The following JARID2 variants were observed in gnomAD, a reference collection of about 807,000 sequenced individuals.
The protein encoded by JARID2 is jumonji and AT-rich interaction domain containing 2, also known as protein Jumonji.
JARID2 carries 21 observed loss-of-function variants against 125.6 expected under a neutral mutation model. The ratio of observed to expected loss-of-function variants is 0.17; its 90% CI spans 0.12 to 0.24. The LOEUF is 0.24. Ranked by LOEUF, JARID2 falls within the 10% of genes least tolerant of loss-of-function variation. The pLI is 1.00. For synonymous variants in JARID2, 736 were observed against 661.6 expected (o/e 1.11, Z -1.73); for missense variants, 1,303 against 1,639.6 (o/e 0.79, Z 3.55).
chr6:15,310,843 A>T (rs1761985998), intron 1 of JARID2, among the ~76,000 whole-genome samples: 2 of 152,198 alleles, frequency 1.3e-5, no homozygotes, highest in African/African-American at 4.8e-5. Flanking sequence ...TTCGTGCCAG[A>T]AACCGAGCTG....
At chr6:15,455,733 T>C (rs1768139221) in intron 4 of JARID2, among the ~76,000 whole-genome samples, 3 of 152,110 alleles carry the variant, frequency 2.0e-5, no homozygotes, top group South Asian at 2.1e-4. Flanking sequence ...GGTTTCACCA[T>C]GTTAGGCTGA....
At chr6:15,403,841 C>T (rs1266085600) in intron 2 of JARID2, among the ~76,000 whole-genome samples, 3 of 151,940 alleles carry the variant, frequency 2.0e-5, no homozygotes, top group African/African-American at 7.3e-5. Context: ...AAAATATGTC[C>T]CCCGCGTCCA....
intron 2 of JARID2, among the ~76,000 whole-genome samples, chr6:15,388,113 C>T (rs551726675): frequency 8.0e-4 from 121 of 152,194 alleles, no homozygotes; most frequent in African/African-American, 2.8e-3. Flanking sequence ...TCTAAATCTT[C>T]GAATTCTGTG....
intron 2 of JARID2, among the ~76,000 whole-genome samples, chr6:15,397,051 A>G (rs1206236816): frequency 6.6e-6 from 1 of 152,212 alleles, no homozygotes; most frequent in Non-Finnish European, 1.5e-5. Context: ...GCCTTCTTGG[A>G]AAGCATTCAA....
intron 4 of JARID2, among the ~76,000 whole-genome samples, chr6:15,455,683 C>G (rs1308684606): frequency 6.6e-6 from 1 of 152,146 alleles, no homozygotes; most frequent in Non-Finnish European, 1.5e-5. Flanking sequence ...AGGCGCCCAC[C>G]ACTACGCCTG....
chr6:15,412,137 T>G (rs147061739), intron 3 of JARID2, among the ~76,000 whole-genome samples: 287 of 152,326 alleles, frequency 1.9e-3, no homozygotes, highest in African/African-American at 6.4e-3. Flanking sequence ...TCTTACTGAA[T>G]TAAGGATTCA....
chr6:15,518,125 C>A (rs748047302), intron 17 of JARID2, among the ~76,000 whole-genome samples: 1 of 152,238 alleles, frequency 6.6e-6, no homozygotes, highest in African/African-American at 2.4e-5. Flanking sequence ...CCTGCTGTGT[C>A]CCTCCTTCAC....
chr6:15,344,543 T>C (rs544872933), intron 1 of JARID2, among the ~76,000 whole-genome samples: 3 of 152,270 alleles, frequency 2.0e-5, no homozygotes, highest in African/African-American at 7.2e-5. Context: ...TTCTTTTTTT[T>C]TTTTTAACTG....
At chr6:15,382,385 A>G (rs1764624857) in intron 2 of JARID2, among the ~76,000 whole-genome samples, 1 of 152,202 alleles carries the variant, frequency 6.6e-6, no homozygotes, top group Non-Finnish European at 1.5e-5. Flanking sequence ...GAGCCTTGCA[A>G]AGGGGTCTTG....
intron 5 of JARID2, among the ~76,000 whole-genome samples, chr6:15,470,469 A>G (rs546216341): frequency 1.3e-5 from 2 of 152,374 alleles, no homozygotes; most frequent in Non-Finnish European, 2.9e-5. Flanking sequence ...CAGGACAAGC[A>G]TAGCTTAGAC....
At chr6:15,368,833 A>G (rs900222126) in intron 1 of JARID2, 3 of 428,590 alleles carry the variant, frequency 7.0e-6, no homozygotes, top group African/African-American at 4.1e-5. Context: ...TTTCTGATGT[A>G]TATAGGCACA....
chr6:15,378,724 G>GT (rs1003131937), intron 2 of JARID2, among the ~76,000 whole-genome samples: 46 of 152,072 alleles, frequency 3.0e-4, no homozygotes, highest in African/African-American at 1.1e-3. Flanking sequence ...AAGATGTTTT[G>GT]TTTTTTCCCA....
intron 1 of JARID2, among the ~76,000 whole-genome samples, chr6:15,295,411 G>GCGCCCGGC (rs1427215529): frequency 6.6e-6 from 1 of 152,134 alleles, no homozygotes; most frequent in African/African-American, 2.4e-5. Flanking sequence ...GTGAGCCACT[G>GCGCCCGGC]CTCCTGTCAT....
rs139435029 is a variant in JARID2, at chr6:15,275,705, C to T, written c.45+29121C>T. On this transcript the variant is annotated intron_variant, in intron 1 of 17. Transcript: ENST00000341776. ...ACAGCATTGCAATTCCCTTTTCTCA[C>T]CCACTGAACCTTGCCTCTCTAGTGG... Among the ~76,000 whole-genome samples, 222 of 152,142 alleles carry T rather than the reference C, an allele frequency of 1.5e-3. 1 individual carries two copies. The highest frequency in any genetic ancestry group is 5.0e-3 in the African/African-American group (206 of 41,484).
chr6:15,326,858 G>A (rs895333771), intron 1 of JARID2, among the ~76,000 whole-genome samples: 6 of 152,222 alleles, frequency 3.9e-5, no homozygotes, highest in Admixed American at 2.6e-4. Context: ...CCATGATAAT[G>A]ATAACATAAT....
At chr6:15,322,113 T>A (rs1762381214) in intron 1 of JARID2, among the ~76,000 whole-genome samples, 1 of 152,100 alleles carries the variant, frequency 6.6e-6, no homozygotes, top group South Asian at 2.1e-4. Flanking sequence ...TAGTGTCTAG[T>A]GGTTAATGGG....
At chr6:15,503,171 C>T (rs1249482275) in intron 8 of JARID2, among the ~76,000 whole-genome samples, 2 of 152,212 alleles carry the variant, frequency 1.3e-5, no homozygotes, top group African/African-American at 4.8e-5. Flanking sequence ...CGGGTAGGGA[C>T]CGTGAGCACG....
In JARID2 at chr6:15,513,229, T is replaced by C. The variant is rs1283719895; in HGVS notation, c.3267-10T>C. On this transcript the variant is annotated splice_polypyrimidine_tract_variant and intron_variant, in intron 15 of 17. Coordinates refer to ENST00000341776, the MANE Select transcript of JARID2 (RefSeq NM_004973.4). ...CACTAAAGGTGCGGGCCGTCTCCCGTGTCTGGCAGGGATACAGAGCTGCGG... is the reference window on the plus strand; with the variant it reads ...CACTAAAGGTGCGGGCCGTCTCCCGCGTCTGGCAGGGATACAGAGCTGCGG... 6.4e-7 allele frequency: 1 copy of C among 1,557,506 alleles called. No individual in the cohort carries two copies. Among genetic ancestry groups the C allele is most frequent in the Non-Finnish European group, 8.7e-7 (1 of 1,148,608 alleles).
intron 1 of JARID2, among the ~76,000 whole-genome samples, chr6:15,333,770 G>T (rs1483220623): frequency 6.6e-6 from 1 of 152,196 alleles, no homozygotes; most frequent in African/African-American, 2.4e-5. Context: ...TTGAGTGCCA[G>T]ATTGGTTCAG....
Sources: gnomAD v4.1 joint callset for allele counts (sites outside exome capture counted in the v4.1 genomes callset) on GRCh38, gnomAD v4.1.1 for gene constraint, MANE v1.5 for transcripts, NCBI Gene and HGNC (gene_info 2026-07-23, HGNC 2026-07-21) for gene names.